The following KCNU1 variants were observed in gnomAD, a reference collection of about 807,000 sequenced individuals.
The protein encoded by KCNU1 is potassium calcium-activated channel subfamily U member 1.
In KCNU1, 93 loss-of-function variants were observed where a neutral mutation model predicts 126.8. That is an observed-to-expected ratio of 0.73 (90% confidence interval 0.62 to 0.87). KCNU1 has a LOEUF of 0.87. Ranked by LOEUF, KCNU1 falls within the 40% of genes least tolerant of loss-of-function variation. KCNU1 has a pLI of 0.00. For missense variants in KCNU1, 1,330 were observed against 1,367.1 expected, an observed-to-expected ratio of 0.97 and a Z score of 0.43; for synonymous variants, 523 against 494.2, an observed-to-expected ratio of 1.06 and a Z score of -0.77.
chr8:36,835,300 C>T (rs1358473287), intron 12 of KCNU1, among the ~76,000 whole-genome samples: 4 of 151,452 alleles, frequency 2.6e-5, no homozygotes, highest in East Asian at 1.9e-4. Context: ...TCCGGTATGA[C>T]GTGCTTTTTG....
In KCNU1 at chr8:36,787,307, A is replaced by C; in HGVS notation, c.197A>C (p.Glu66Ala). 6.2e-7 allele frequency: 1 copy of C among 1,608,066 alleles called. No individual in the cohort carries two copies. The highest frequency in any genetic ancestry group is 8.5e-7 in the Non-Finnish European group (1 of 1,176,848). Reference protein sequence around the residue: ...QIIKGTGIILELFTSGTIARS... With the variant: ...QIIKGTGIILALFTSGTIARS... ...TCAATTTCTTTCTCTTGATTGTAGGAACTGTTCACATCAGGTACCATCGCT... is the reference window on the plus strand; with the variant it reads ...TCAATTTCTTTCTCTTGATTGTAGGCACTGTTCACATCAGGTACCATCGCT... Residue 66 changes from glutamate (E) to alanine (A), a missense_variant and splice_region_variant, in exon 2 of 27, where the codon GAA (glutamate) becomes GCA (alanine). Glu to Ala is a moderately radical substitution (Grantham distance 107). Around this residue, in one of 3 missense-constraint regions of KCNU1, gnomAD observed 247 missense variants for 255.4 expected, o/e 0.97. Coordinates refer to ENST00000399881, the MANE Select transcript of KCNU1 (RefSeq NM_001031836.3).
At chr8:36,920,075 G>A (rs955176208) in intron 23 of KCNU1, among the ~76,000 whole-genome samples, 4 of 152,118 alleles carry the variant, frequency 2.6e-5, no homozygotes, top group African/African-American at 9.7e-5. Flanking sequence ...GAAGCTGTCT[G>A]CTGCAGTTTT....
chr8:36,892,498 AC>A (rs1338592425), intron 19 of KCNU1, among the ~76,000 whole-genome samples: 6 of 88,852 alleles, frequency 6.8e-5, no homozygotes, highest in Middle Eastern at 0.014. Context: ...CCCACCCCCC[AC>A]CCCCCACCAG....
chr8:36,823,113 G>A (rs1314559944), intron 10 of KCNU1, among the ~76,000 whole-genome samples: 1 of 152,008 alleles, frequency 6.6e-6, no homozygotes. Context: ...TAGGGGATGG[G>A]GCAGATCAGA....
At chr8:36,900,675 T>C (rs2117486155) in intron 19 of KCNU1, among the ~76,000 whole-genome samples, 1 of 152,136 alleles carries the variant, frequency 6.6e-6, no homozygotes, top group Non-Finnish European at 1.5e-5. Flanking sequence ...TATAAAGTCA[T>C]TGGAGAGAGG....
At chr8:36,884,706 T>C (rs1189742605) in intron 19 of KCNU1, among the ~76,000 whole-genome samples, 1 of 151,722 alleles carries the variant, frequency 6.6e-6, no homozygotes, top group Non-Finnish European at 1.5e-5. Flanking sequence ...ACTGGACTTC[T>C]GGGTAACAGA....
chr8:36,929,704 A>G (rs1317635617), intron 24 of KCNU1, among the ~76,000 whole-genome samples: 1 of 152,156 alleles, frequency 6.6e-6, no homozygotes, highest in Non-Finnish European at 1.5e-5. Flanking sequence ...AGATAGATTA[A>G]CGTGCCCCAG....
At chr8:36,927,338 T>C (rs567505220) in intron 24 of KCNU1, among the ~76,000 whole-genome samples, 422 of 152,258 alleles carry the variant, frequency 2.8e-3, no homozygotes, top group African/African-American at 9.8e-3. Flanking sequence ...GAAGAAATAT[T>C]CCTATAGGAT....
chr8:36,846,489 CACTT>C (rs1406799986), intron 18 of KCNU1, among the ~76,000 whole-genome samples: 6 of 152,140 alleles, frequency 3.9e-5, no homozygotes, highest in African/African-American at 1.2e-4. Context: ...CATTCATAAT[CACTT>C]AGTCCCTTCT....
At chr8:36,889,024 A>G (rs184528367) in intron 19 of KCNU1, 90 of 446,222 alleles carry the variant, frequency 2.0e-4, no homozygotes, top group African/African-American at 1.4e-3. Flanking sequence ...GATTACAGGC[A>G]TACACCACCA....
chr8:36,916,690 T>G (rs1563334764), intron 22 of KCNU1, among the ~76,000 whole-genome samples: 2 of 152,212 alleles, frequency 1.3e-5, no homozygotes. Flanking sequence ...ACCTTCCTCT[T>G]TAATAGCTGT....
At chr8:36,853,652 C>G (rs984184053) in intron 18 of KCNU1, among the ~76,000 whole-genome samples, 2 of 152,102 alleles carry the variant, frequency 1.3e-5, no homozygotes, top group African/African-American at 4.8e-5. Context: ...TATTTTAAGA[C>G]TTGCTCCATT....
At chr8:36,837,929 T>C (rs1804814017) in intron 14 of KCNU1, among the ~76,000 whole-genome samples, 1 of 152,196 alleles carries the variant, frequency 6.6e-6, no homozygotes, top group South Asian at 2.1e-4. Context: ...TTTTTCTGTG[T>C]TCAGTACAAA....
At chr8:36,823,455 C>T (rs992310431) in intron 10 of KCNU1, among the ~76,000 whole-genome samples, 3 of 151,970 alleles carry the variant, frequency 2.0e-5, no homozygotes, top group African/African-American at 4.8e-5. Flanking sequence ...TCTATTGTTT[C>T]GGTATTATGA....
At chr8:36,926,347 G>A (rs1242710147) in intron 24 of KCNU1, among the ~76,000 whole-genome samples, 1 of 152,114 alleles carries the variant, frequency 6.6e-6, no homozygotes, top group Non-Finnish European at 1.5e-5. Flanking sequence ...GGATTTTCAA[G>A]TTTATTTTAG....
chr8:36,865,504 G>A (rs1216949515), intron 19 of KCNU1, among the ~76,000 whole-genome samples: 1 of 151,808 alleles, frequency 6.6e-6, no homozygotes, highest in Non-Finnish European at 1.5e-5. Flanking sequence ...AGCAGCTCAT[G>A]CCTATAATCC....
At chr8:36,893,977 C>T (rs1205713884) in intron 19 of KCNU1, among the ~76,000 whole-genome samples, 4 of 152,100 alleles carry the variant, frequency 2.6e-5, no homozygotes, top group Non-Finnish European at 4.4e-5. Context: ...TCATCTCTAA[C>T]TTGACACTTT....
intron 19 of KCNU1, among the ~76,000 whole-genome samples, chr8:36,897,168 CA>C (rs1248006032): frequency 2.6e-5 from 4 of 151,708 alleles, no homozygotes; most frequent in Non-Finnish European, 5.9e-5. Context: ...ATTTTATTGC[CA>C]AAAGCTGTGT....
intron 6 of KCNU1, among the ~76,000 whole-genome samples, chr8:36,808,317 T>TCTACCCCTTGGATTC (rs1446652459): frequency 6.6e-6 from 1 of 152,190 alleles, no homozygotes; most frequent in African/African-American, 2.4e-5. Flanking sequence ...TCCCTGGATT[T>TCTACCCCTTGGATTC]CTACCCCTTG....
Sources: gnomAD v4.1 joint callset for allele counts (sites outside exome capture counted in the v4.1 genomes callset) on GRCh38, gnomAD v4.1.1 for gene constraint, gnomAD v4.1.1 regional missense constraint, MANE v1.5 for transcripts, NCBI Gene and HGNC (gene_info 2026-07-23, HGNC 2026-07-21) for gene names.